Variants in TEKT5 observed in about 807,000 individuals in gnomAD.
TEKT5 encodes the protein tektin-5.
TEKT5 carries 52 observed loss-of-function variants against 48.7 expected under a neutral mutation model. That is an observed-to-expected ratio of 1.07 (90% CI 0.86 to 1.35). The LOEUF is 1.35. Among genes scored for constraint, TEKT5 ranks in the 40% most tolerant of loss-of-function variants. TEKT5 has a pLI of 0.00. For synonymous variants in TEKT5, 318 were observed against 267.6 expected (o/e 1.19, Z -1.84); for missense variants, 831 against 641.6 (o/e 1.30, Z -3.19).
intron 1 of TEKT5, among the ~76,000 whole-genome samples, chr16:10,692,406 T>C (rs1362629072): frequency 6.6e-6 from 1 of 152,156 alleles, no homozygotes; most frequent in Non-Finnish European, 1.5e-5. Context: ...GGATCTCTCC[T>C]ACGGAAGCCC....
intron 6 of TEKT5, among the ~76,000 whole-genome samples, chr16:10,631,599 A>G (rs1897842411): frequency 6.6e-6 from 1 of 152,182 alleles, no homozygotes; most frequent in South Asian, 2.1e-4. Flanking sequence ...AATGAAGTTT[A>G]GGATCTTAAG....
intron 5 of TEKT5, among the ~76,000 whole-genome samples, chr16:10,665,722 G>A (rs931789751): frequency 6.6e-6 from 1 of 152,298 alleles, no homozygotes; most frequent in Non-Finnish European, 1.5e-5. Context: ...GGTCCATCCA[G>A]GCACACACCA....
intron 5 of TEKT5, among the ~76,000 whole-genome samples, chr16:10,674,826 T>C (rs1159107455): frequency 7.8e-6 from 1 of 128,054 alleles, no homozygotes; most frequent in South Asian, 3.2e-4. Context: ...ACAGTTCTTA[T>C]TTTTTTTTTT....
At chr16:10,652,833 G>A (rs942550588) in intron 5 of TEKT5, among the ~76,000 whole-genome samples, 14 of 18,246 alleles carry the variant, frequency 7.7e-4, no homozygotes, top group Non-Finnish European at 1.1e-3. Flanking sequence ...ATATACACAG[G>A]CAGACACACA....
Position 10,671,947 on chromosome 16 carries a change from T to A in TEKT5, c.1086+4012A>T, listed in dbSNP as rs149273634. 3.0e-3 allele frequency among the ~76,000 whole-genome samples: 461 copies of A among 152,262 alleles called. 4 individuals carry two copies. The highest frequency in any genetic ancestry group is 9.9e-3 in the African/African-American group (412 of 41,554). ...TGACACATGTGGTTTATGGGAGCTA[T>A]AATTCAAGATGAGATCTGGGTGGAA... On this transcript the variant is annotated intron_variant, in intron 5 of 6. Transcript: ENST00000283025.
Position 10,669,198 on chromosome 16 carries a change from T to C in TEKT5, c.1086+6761A>G, listed in dbSNP as rs138993657. 8.3e-3 allele frequency among the ~76,000 whole-genome samples: 1,263 copies of C among 152,200 alleles called. 4 individuals carry two copies. Among genetic ancestry groups the C allele is most frequent in the Non-Finnish European group, 0.012 (830 of 68,012 alleles). On this transcript the variant is annotated intron_variant, in intron 5 of 6. Transcript: ENST00000283025. ...TATCAACAGGTGAGGCCACGTACGG[T>C]AGCTCACGCCTGTAATCCTAGCACT...
intron 3 of TEKT5, among the ~76,000 whole-genome samples, chr16:10,684,649 T>C (rs190336897): frequency 2.9e-4 from 44 of 152,138 alleles, no homozygotes; most frequent in African/African-American, 9.4e-4. Flanking sequence ...AAAGCAAACA[T>C]GTTAGAGAAT....
chr16:10,633,354 C>A (rs1278158802), intron 6 of TEKT5, among the ~76,000 whole-genome samples: 1 of 151,896 alleles, frequency 6.6e-6, no homozygotes, highest in Non-Finnish European at 1.5e-5. Flanking sequence ...GAGCAAGACT[C>A]AATTAAAAAA....
chr16:10,692,781 T>C (rs1567238250), intron 1 of TEKT5: 1 of 152,242 alleles, frequency 6.6e-6, no homozygotes, highest in Non-Finnish European at 1.5e-5. Context: ...GCCCCTGGCA[T>C]GCAGGAACTT....
chr16:10,636,131 T>A (rs1292060132), intron 5 of TEKT5, among the ~76,000 whole-genome samples: 1 of 152,034 alleles, frequency 6.6e-6, no homozygotes, highest in African/African-American at 2.4e-5. Flanking sequence ...TCCCAGCACT[T>A]TGGGAGGCCG....
intron 4 of TEKT5, among the ~76,000 whole-genome samples, chr16:10,678,599 G>C (rs1898690345): frequency 6.6e-6 from 1 of 152,184 alleles, no homozygotes; most frequent in African/African-American, 2.4e-5. Flanking sequence ...GGCTCAGAGA[G>C]TGAAGCATCT....
intron 1 of TEKT5, among the ~76,000 whole-genome samples, chr16:10,693,478 A>C (rs1389350923): frequency 6.6e-6 from 1 of 152,252 alleles, no homozygotes; most frequent in African/African-American, 2.4e-5. Flanking sequence ...CTGGGAATAC[A>C]TTCAAAACAT....
chr16:10,628,669 C>T (rs1328948075), intron 6 of TEKT5, among the ~76,000 whole-genome samples: 1 of 152,132 alleles, frequency 6.6e-6, no homozygotes, highest in African/African-American at 2.4e-5. Flanking sequence ...CTTTGGGAGG[C>T]TGAGACAGGT....
rs182259799 is a variant in TEKT5, at chr16:10,694,437, G to A, written c.437C>T (p.Ser146Leu). 3.9e-3 allele frequency: 6,251 copies of A among 1,614,116 alleles called. 27 individuals are homozygous for A. The highest frequency in any genetic ancestry group is 7.9e-3 in the Middle Eastern group (48 of 6,062). Residue 146 changes from serine to leucine, a missense_variant, in exon 1 of 7, where the codon TCG becomes TTG. Coordinates refer to ENST00000283025, the MANE Select transcript of TEKT5 (RefSeq NM_144674.2). Reference sequence around the variant, plus strand: ...CTCTGACTTCCAGAAGCCAATGTCCGACAGCCTCTGGCCCAGGTTCCGGCA... The same window carrying A: ...CTCTGACTTCCAGAAGCCAATGTCCAACAGCCTCTGGCCCAGGTTCCGGCA... ...GTCRNLGQRL[S>L]DIGFWKSELS...
At position 10,691,356 on chromosome 16, in the gene TEKT5, T is replaced by C. The variant is rs143739602; in HGVS notation, c.565-1331A>G. On this transcript the variant is annotated intron_variant, in intron 1 of 6. Coordinates refer to ENST00000283025, the MANE Select transcript of TEKT5 (RefSeq NM_144674.2). ...CATCAACAAACCAGGAACTCAATCA[T>C]TTCCAACTGTGTGAAGGGCCAAGAG... 3.1e-3 allele frequency: 480 copies of C among 152,478 alleles called. 7 individuals carry two copies. Among genetic ancestry groups the C allele is most frequent in the African/African-American group, 0.011 (459 of 41,542 alleles). 9.4% of individuals were successfully genotyped at this position (152,478 alleles called of 1,614,324 possible).
Position 10,676,082 on chromosome 16 carries a change from C to A in TEKT5, c.963G>T (p.Glu321Asp). Reference protein sequence around the residue: ...ANSIQLREEAEHLFETLSDQM... With the variant: ...ANSIQLREEADHLFETLSDQM... ...GATCCGACAAGGTCTCAAAGAGGTGCTCCGCCTCCTCCCGCAGCTGGATGG... is the reference window on the plus strand; with the variant it reads ...GATCCGACAAGGTCTCAAAGAGGTGATCCGCCTCCTCCCGCAGCTGGATGG... Residue 321 changes from glutamate (E) to aspartate (D), a missense_variant, in exon 5 of 7, where the codon GAG becomes GAT. By Grantham distance (45) the Glu-to-Asp change is conservative. Coordinates refer to ENST00000283025, the MANE Select transcript of TEKT5 (RefSeq NM_144674.2). The A allele has an allele frequency of 6.2e-7, 1 of 1,614,240 alleles. No individual in the cohort carries two copies. Among genetic ancestry groups the A allele is most frequent in the Non-Finnish European group, 8.5e-7 (1 of 1,180,048 alleles).
At chr16:10,660,639 T>C (rs1010361095) in intron 5 of TEKT5, among the ~76,000 whole-genome samples, 1 of 151,260 alleles carries the variant, frequency 6.6e-6, no homozygotes, top group African/African-American at 2.4e-5. Flanking sequence ...AGTCTGAGAA[T>C]GTTACCAGCA....
chr16:10,666,257 A>G (rs901214784), intron 5 of TEKT5, among the ~76,000 whole-genome samples: 1 of 152,164 alleles, frequency 6.6e-6, no homozygotes, highest in Non-Finnish European at 1.5e-5. Flanking sequence ...TGTTCAGGCA[A>G]CAGTTCATGA....
rs759192148 is a variant in TEKT5 at position 10,694,459 on chromosome 16, G to A, written c.415C>T (p.Arg139Trp). ...TCCGACAGCCTCTGGCCCAGGTTCC[G>A]GCAGGTGCCCTCCTGCATCTGGTGC... ...LTHQMQEGTC[R>W]NLGQRLSDIG... Residue 139 changes from arginine to tryptophan, a missense_variant, in exon 1 of 7, where the codon CGG becomes TGG. Arg to Trp is a moderately radical substitution (Grantham distance 101). Coordinates refer to ENST00000283025, the MANE Select transcript of TEKT5 (RefSeq NM_144674.2). 17 of 1,614,024 alleles carry A rather than the reference G, an allele frequency of 1.1e-5. No homozygotes were observed. The Admixed American group carries it at 1.3e-4, about 13-fold the overall frequency.
Sources: allele counts gnomAD v4.1 joint callset (sites outside exome capture counted in the v4.1 genomes callset), GRCh38; gene constraint gnomAD v4.1.1; transcripts MANE v1.5; gene names NCBI Gene and HGNC (gene_info 2026-07-23, HGNC 2026-07-21).